Variants in ALK observed in about 807,000 individuals in gnomAD.
The protein encoded by ALK is ALK receptor tyrosine kinase.
Under a neutral mutation model 163.1 loss-of-function variants are expected in ALK, and 74 were observed. That is an observed-to-expected ratio of 0.45 (90% CI 0.38 to 0.55). The LOEUF is 0.55. Among genes scored for constraint, ALK ranks in the 20% least tolerant of loss-of-function variants. The probability of loss-of-function intolerance (pLI) is 0.00; values close to 1 mark genes in which losing one functional copy is unlikely to be tolerated. For missense variants in ALK, 2,063 were observed against 2,105.3 expected (o/e 0.98, Z 0.39); for synonymous variants, 960 against 843.2 (o/e 1.14, Z -2.40).
At chr2:29,228,191 AAAG>A (rs1664071444) in intron 16 of ALK, among the ~76,000 whole-genome samples, 2 of 152,212 alleles carry the variant, frequency 1.3e-5, no homozygotes, top group Admixed American at 1.3e-4. Flanking sequence ...CCAGCTTGGA[AAAG>A]AAGAGCATGT....
At chr2:29,369,509 T>C (rs894166935) in intron 5 of ALK, among the ~76,000 whole-genome samples, 5 of 152,114 alleles carry the variant, frequency 3.3e-5, no homozygotes, top group African/African-American at 1.2e-4. Flanking sequence ...GATCCAACCA[T>C]TTCAGCCACC....
intron 5 of ALK, among the ~76,000 whole-genome samples, chr2:29,361,724 C>T (rs1346371210): frequency 6.6e-6 from 1 of 152,176 alleles, no homozygotes; most frequent in East Asian, 1.9e-4. Flanking sequence ...TCTCCCAGGA[C>T]TTCTGCTTTG....
intron 4 of ALK, among the ~76,000 whole-genome samples, chr2:29,519,322 A>G (rs760244408): frequency 9.2e-5 from 14 of 152,138 alleles, no homozygotes; most frequent in Non-Finnish European, 1.8e-4. Flanking sequence ...TTTGAATTCA[A>G]TTACTTTTAA....
At chr2:29,390,061 G>A (rs1326375855) in intron 4 of ALK, among the ~76,000 whole-genome samples, 1 of 152,180 alleles carries the variant, frequency 6.6e-6, no homozygotes, top group Non-Finnish European at 1.5e-5. Context: ...TCTACTATAT[G>A]CGCTGCTTAT....
In ALK at chr2:29,416,615, T is replaced by C. The variant is rs893454168; in HGVS notation, c.1155-32756A>G. ...GGGATAGTGTCAGGAAGCACAAAAA[T>C]CTCATTTTAGTGGCTCTTGTAGAAA... On this transcript the variant is annotated intron_variant, in intron 4 of 28. Transcript: ENST00000389048. Among the ~76,000 whole-genome samples, 29 of 152,188 alleles carry C rather than the reference T, an allele frequency of 1.9e-4. 1 individual carries two copies. The highest frequency in any genetic ancestry group is 4.0e-4 in the Non-Finnish European group (27 of 68,032).
chr2:29,831,735 T>C (rs1384314723), intron 1 of ALK, among the ~76,000 whole-genome samples: 1 of 152,214 alleles, frequency 6.6e-6, no homozygotes, highest in Non-Finnish European at 1.5e-5. Flanking sequence ...AGATGCTAAA[T>C]GACGATATAC....
In ALK at chr2:29,617,688, G is replaced by C. The variant is rs1024781250; in HGVS notation, c.952+77162C>G. On this transcript the variant is annotated intron_variant, in intron 3 of 28. Transcript: ENST00000389048. ...ACCCACTCATCTGCTTCATAGCTATGAAACCCCACTTGTCCTTGCTGTATC... is the reference window on the plus strand; with the variant it reads ...ACCCACTCATCTGCTTCATAGCTATCAAACCCCACTTGTCCTTGCTGTATC... Among the ~76,000 whole-genome samples, 38 of 152,138 alleles carry C rather than the reference G, an allele frequency of 2.5e-4. 1 individual carries two copies. Among genetic ancestry groups the C allele is most frequent in the Admixed American group, 2.4e-3 (37 of 15,268 alleles).
chr2:29,876,590 T>C (rs1019644346), intron 1 of ALK, among the ~76,000 whole-genome samples: 19 of 151,882 alleles, frequency 1.3e-4, no homozygotes, highest in Admixed American at 1.1e-3. Flanking sequence ...GTGATGGTGG[T>C]AATGGTAATG....
intron 5 of ALK, among the ~76,000 whole-genome samples, chr2:29,350,896 A>G (rs545100390): frequency 3.7e-4 from 56 of 152,238 alleles, no homozygotes; most frequent in Non-Finnish European, 6.8e-4. Context: ...TATCTCCCAA[A>G]CTGTTTTCTG....
At chr2:29,489,272 C>T (rs140620462) in intron 4 of ALK, among the ~76,000 whole-genome samples, 1 of 152,288 alleles carries the variant, frequency 6.6e-6, no homozygotes, top group East Asian at 1.9e-4. Flanking sequence ...CAGTATACTA[C>T]AAGTATAAGC....
At chr2:29,762,029 A>G (rs1427595797) in intron 1 of ALK, among the ~76,000 whole-genome samples, 2 of 152,246 alleles carry the variant, frequency 1.3e-5, no homozygotes, top group Non-Finnish European at 2.9e-5. Flanking sequence ...AATAATCGCA[A>G]TCTGCACAAT....
chr2:29,413,699 T>G (rs528883937), intron 4 of ALK, among the ~76,000 whole-genome samples: 1 of 152,080 alleles, frequency 6.6e-6, no homozygotes, highest in African/African-American at 2.4e-5. Flanking sequence ...GCCCGGCTAA[T>G]TTTTTATATA....
chr2:29,488,202 C>T (rs1435308477), intron 4 of ALK, among the ~76,000 whole-genome samples: 1 of 152,140 alleles, frequency 6.6e-6, no homozygotes, highest in African/African-American at 2.4e-5. Context: ...ACATTATTTG[C>T]ATTCTTTTAG....
intron 1 of ALK, among the ~76,000 whole-genome samples, chr2:29,824,902 A>G (rs7567216): frequency 0.82 from 124,640 of 152,090 alleles, 51,392 homozygotes; most frequent in Admixed American, 0.89. Context: ...AGAGGCCAGA[A>G]GTGGAATGAT....
At chr2:29,416,979 C>CTTTTTTT in intron 4 of ALK, among the ~76,000 whole-genome samples, 1 of 77,664 alleles carries the variant, frequency 1.3e-5, no homozygotes, top group Admixed American at 1.6e-4. Context: ...ATGTTTGATG[C>CTTTTTTT]TTTTTTTTTT....
In ALK at chr2:29,206,020, G is replaced by A. The variant is rs780400532; in HGVS notation, c.3938+1151C>T. 2.0e-5 allele frequency among the ~76,000 whole-genome samples: 3 copies of A among 152,180 alleles called. No homozygotes were observed. The South Asian group carries it at 6.2e-4, about 32-fold the overall frequency. ...GGCCAGTGGGGGCCAGGACCAGGGA[G>A]ACTTCAGTTCAGTCTCTTCAGAGAG... On this transcript the variant is annotated intron_variant, in intron 26 of 28. Coordinates refer to ENST00000389048, the MANE Select transcript of ALK (RefSeq NM_004304.5).
At chr2:29,207,326 C>T (rs1319405191) in intron 25 of ALK, 54 bp from the exon 26 acceptor site, 1 of 1,383,914 alleles carries the variant, frequency 7.2e-7, no homozygotes. Context: ...CATTAAGCAT[C>T]TGCCCTGCTG....
At chr2:29,300,740 A>T (rs866245668) in intron 8 of ALK, among the ~76,000 whole-genome samples, 3 of 152,156 alleles carry the variant, frequency 2.0e-5, no homozygotes, top group Non-Finnish European at 4.4e-5. Context: ...AACAGTCTCC[A>T]ATAAGAACTT....
At chr2:29,631,151 A>G (rs955056773) in intron 3 of ALK, among the ~76,000 whole-genome samples, 2 of 152,252 alleles carry the variant, frequency 1.3e-5, no homozygotes, top group African/African-American at 2.4e-5. Flanking sequence ...AAACTTGGGC[A>G]TTCATTATGT....
Sources: gnomAD v4.1 joint callset for allele counts (sites outside exome capture counted in the v4.1 genomes callset) on GRCh38, gnomAD v4.1.1 for gene constraint, MANE v1.5 for transcripts, NCBI Gene and HGNC (gene_info 2026-07-23, HGNC 2026-07-21) for gene names.